Variants in UXS1 observed in about 807,000 individuals in gnomAD.
UXS1 encodes UDP-glucuronate decarboxylase 1, also known as UDP-glucuronic acid decarboxylase 1.
A neutral mutation model predicts 62.6 loss-of-function variants in UXS1; 33 were observed. The observed-to-expected ratio is 0.53, with a 90% CI of 0.40 to 0.70. The LOEUF (loss-of-function observed/expected upper bound fraction) is 0.70, where lower values mean the gene tolerates loss of function less well. Among genes scored for constraint, UXS1 ranks in the 30% least tolerant of loss-of-function variants. The pLI, the probability that UXS1 is intolerant of heterozygous loss-of-function variation, is 0.00. For missense variants in UXS1, 434 were observed against 556.3 expected (o/e 0.78, Z 2.21); for synonymous variants, 213 against 206.8 (o/e 1.03, Z -0.26).
intron 1 of UXS1, among the ~76,000 whole-genome samples, chr2:106,173,975 T>C (rs948333323): frequency 3.3e-5 from 5 of 151,884 alleles, no homozygotes; most frequent in Non-Finnish European, 7.4e-5. Context: ...CACCTATATA[T>C]AATGCACCCT....
At chr2:106,172,965 TATAA>T (rs1683657918) in intron 1 of UXS1, among the ~76,000 whole-genome samples, 1 of 152,146 alleles carries the variant, frequency 6.6e-6, no homozygotes, top group Non-Finnish European at 1.5e-5. Context: ...AAAGTTACCT[TATAA>T]AAGAGGTCTT....
At chr2:106,161,384 C>T (rs1558739881) in intron 4 of UXS1, among the ~76,000 whole-genome samples, 1 of 152,076 alleles carries the variant, frequency 6.6e-6, no homozygotes, top group Admixed American at 6.5e-5. Context: ...GGTATTACAC[C>T]GTGCCTGGCC....
At chr2:106,104,369 A>C (rs4851922) in intron 11 of UXS1, among the ~76,000 whole-genome samples, 2 of 152,074 alleles carry the variant, frequency 1.3e-5, no homozygotes, top group African/African-American at 2.4e-5. Context: ...GAAATTCAAC[A>C]TAAGAACACT....
At chr2:106,138,159 C>A in intron 6 of UXS1, 7 of 985,328 alleles carry the variant, frequency 7.1e-6, no homozygotes, top group Non-Finnish European at 8.4e-6. Flanking sequence ...CAGAAAGCCA[C>A]TATCATTAAC....
At position 106,192,377 on chromosome 2, in the gene UXS1, A is replaced by G. The variant is rs552438551; in HGVS notation, c.94+1771T>C. Reference sequence around the variant, plus strand: ...AGACCATCCTGGCTAACATGGTGAAACCCCGTCTCTACTAAAAATACAAAA... The same window carrying G: ...AGACCATCCTGGCTAACATGGTGAAGCCCCGTCTCTACTAAAAATACAAAA... On this transcript the variant is annotated intron_variant, in intron 1 of 14. Coordinates refer to ENST00000283148, the MANE Select transcript of UXS1 (RefSeq NM_001253875.2). Among the ~76,000 whole-genome samples the G allele has an allele frequency of 2.9e-4, 44 of 152,132 alleles. No individual in the cohort carries two copies. The Middle Eastern group carries it at 0.01, about 35-fold the overall frequency.
In UXS1 at chr2:106,145,235, A is replaced by G. The variant is rs915274163; in HGVS notation, c.427T>C (p.Phe143Leu). 6.2e-7 allele frequency: 1 copy of G among 1,613,906 alleles called. No homozygotes were observed. Among genetic ancestry groups the G allele is most frequent in the Non-Finnish European group, 8.5e-7 (1 of 1,179,864 alleles). The change falls in exon 6 of 15, where the codon TTC (phenylalanine) becomes CTC (leucine). Residue 143 changes from phenylalanine (F) to leucine (L), a missense_variant. Transcript: ENST00000283148. Reference protein sequence around the residue: ...NVEHWIGHENFELINHDVVEP... With the variant: ...NVEHWIGHENLELINHDVVEP... ...ACCACGTCGTGGTTAATCAACTCGAAGTTCTCATGTCCGATCCAGTGCTCC... is the reference window on the plus strand; with the variant it reads ...ACCACGTCGTGGTTAATCAACTCGAGGTTCTCATGTCCGATCCAGTGCTCC...
intron 7 of UXS1, among the ~76,000 whole-genome samples, chr2:106,127,618 C>T (rs531851342): frequency 6.6e-5 from 10 of 152,208 alleles, no homozygotes; most frequent in African/African-American, 2.4e-4. Flanking sequence ...AGCACAGGGT[C>T]TGGGAGGTGG....
chr2:106,185,504 G>A (rs1206949424), intron 1 of UXS1, among the ~76,000 whole-genome samples: 1 of 152,086 alleles, frequency 6.6e-6, no homozygotes, highest in African/African-American at 2.4e-5. Context: ...TTCCAGGTTT[G>A]GGGTAGAAAA....
At chr2:106,129,359 A>AG (rs1179422733) in intron 7 of UXS1, among the ~76,000 whole-genome samples, 2 of 152,074 alleles carry the variant, frequency 1.3e-5, no homozygotes, top group East Asian at 1.9e-4. Flanking sequence ...AGAGGAGGGG[A>AG]GGGGGGCAGG....
intron 6 of UXS1, among the ~76,000 whole-genome samples, chr2:106,142,266 TTCA>T (rs1239735553): frequency 6.6e-6 from 1 of 152,232 alleles, no homozygotes; most frequent in Non-Finnish European, 1.5e-5. Flanking sequence ...ATGTATTATT[TTCA>T]TCATCAGGAA....
chr2:106,128,155 G>T (rs369818969), intron 7 of UXS1, among the ~76,000 whole-genome samples: 2 of 152,128 alleles, frequency 1.3e-5, no homozygotes, highest in African/African-American at 2.4e-5. Flanking sequence ...TATGATGGAG[G>T]GGGGCGGGAC....
intron 10 of UXS1, among the ~76,000 whole-genome samples, chr2:106,107,240 T>G (rs994622110): frequency 6.6e-6 from 1 of 152,196 alleles, no homozygotes; most frequent in Non-Finnish European, 1.5e-5. Flanking sequence ...ACTGTGATGG[T>G]GGGCTCACCA....
intron 1 of UXS1, among the ~76,000 whole-genome samples, chr2:106,179,940 T>C (rs1485957496): frequency 1.3e-5 from 2 of 151,988 alleles, no homozygotes; most frequent in Admixed American, 6.6e-5. Flanking sequence ...ACCCCATCTC[T>C]ACTAAAAAAA....
At chr2:106,100,946 A>G in intron 12 of UXS1, 112 bp downstream of exon 12, 2 of 1,318,618 alleles carry the variant, frequency 1.5e-6, no homozygotes, top group Non-Finnish European at 2.2e-6. Flanking sequence ...AACAAACACA[A>G]ATGTCCTAAG....
At position 106,145,388 on chromosome 2, in the gene UXS1, G is replaced by A. The variant is rs1412618484; in HGVS notation, c.292-18C>T. On this transcript the variant is annotated intron_variant, in intron 5 of 14. Coordinates refer to ENST00000283148, the MANE Select transcript of UXS1 (RefSeq NM_001253875.2). Reference sequence around the variant, plus strand: ...CCTGTTATCTGCATCCGGACAGCGTGTGCAGAGCATTCCCAGAAAAAGCAC... The same window carrying A: ...CCTGTTATCTGCATCCGGACAGCGTATGCAGAGCATTCCCAGAAAAAGCAC... The A allele has an allele frequency of 1.2e-6, 2 of 1,600,134 alleles. No individual in the cohort carries two copies. Among genetic ancestry groups the A allele is most frequent in the East Asian group, 2.2e-5 (1 of 44,674 alleles).
At chr2:106,100,144 T>C (rs1404355062) in intron 12 of UXS1, among the ~76,000 whole-genome samples, 1 of 152,182 alleles carries the variant, frequency 6.6e-6, no homozygotes, top group Admixed American at 6.5e-5. Flanking sequence ...GGGGGAGGTC[T>C]CTGTGAGCTA....
chr2:106,138,651 T>C (rs1680854332), intron 6 of UXS1: 21 of 985,466 alleles, frequency 2.1e-5, no homozygotes, highest in Non-Finnish European at 2.5e-5. Flanking sequence ...GGCCATTCCA[T>C]CTGGTTCAGT....
chr2:106,140,502 C>A (rs1558715804), intron 6 of UXS1, among the ~76,000 whole-genome samples: 1 of 152,164 alleles, frequency 6.6e-6, no homozygotes, highest in Non-Finnish European at 1.5e-5. Flanking sequence ...ACTGTTTCCA[C>A]CCCTCCTCTT....
rs190015750 is a variant in UXS1, at chr2:106,095,021, A to T, written c.1147-864T>A. Among the ~76,000 whole-genome samples, 196 of 152,344 alleles carry T rather than the reference A, an allele frequency of 1.3e-3. No individual in the cohort carries two copies. In the Middle Eastern group the frequency reaches 0.037, roughly 29 times the overall value. ...TAATGCCTGTAAGTTTCTTTGGATC[A>T]TATCCCTCAAAAATTTATTATAAAT... On this transcript the variant is annotated intron_variant, in intron 14 of 14. Coordinates refer to ENST00000283148, the MANE Select transcript of UXS1 (RefSeq NM_001253875.2).
Sources: gnomAD v4.1 joint callset for allele counts (sites outside exome capture counted in the v4.1 genomes callset) on GRCh38, gnomAD v4.1.1 for gene constraint, MANE v1.5 for transcripts, NCBI Gene and HGNC (gene_info 2026-07-23, HGNC 2026-07-21) for gene names.